The following WDR41 variants were observed in gnomAD, a reference collection of about 807,000 sequenced individuals.
WDR41 encodes WD repeat-containing protein 41.
WDR41 carries 63 observed loss-of-function variants against 69.3 expected under a neutral mutation model. That is an observed-to-expected ratio of 0.91 (90% CI 0.74 to 1.12). The LOEUF is 1.12. Among genes scored for constraint, WDR41 ranks in the 50% most tolerant of loss-of-function variants. The probability of loss-of-function intolerance (pLI) is 0.00; values close to 1 mark genes in which losing one functional copy is unlikely to be tolerated. For missense variants in WDR41, 543 were observed against 534.5 expected, an observed-to-expected ratio of 1.02 and a Z score of -0.16; for synonymous variants, 185 against 192.1, an observed-to-expected ratio of 0.96 and a Z score of 0.31.
intron 1 of WDR41, among the ~76,000 whole-genome samples, chr5:77,498,570 G>A (rs1801967559): frequency 6.6e-6 from 1 of 152,078 alleles, no homozygotes; most frequent in Non-Finnish European, 1.5e-5. Context: ...TATAATCCCA[G>A]CGCTTTGGGA....
intron 12 of WDR41, among the ~76,000 whole-genome samples, chr5:77,433,911 C>T (rs950149495): frequency 1.3e-5 from 2 of 152,152 alleles, no homozygotes; most frequent in African/African-American, 2.4e-5. Flanking sequence ...AAGGAATAGG[C>T]TGGAAGCTAA....
At chr5:77,541,313 C>G (rs1743083325) in intron 1 of WDR41, among the ~76,000 whole-genome samples, 1 of 151,858 alleles carries the variant, frequency 6.6e-6, no homozygotes, top group Admixed American at 6.6e-5. Context: ...AGACACTTCT[C>G]AAAAGAAGAC....
At chr5:77,584,713 A>T (rs774116174) in intron 1 of WDR41, among the ~76,000 whole-genome samples, 39 of 152,154 alleles carry the variant, frequency 2.6e-4, no homozygotes, top group Non-Finnish European at 5.0e-4. Flanking sequence ...ACAAAACCAT[A>T]AAATGGGGCA....
chr5:77,577,730 A>G (rs1743859505), intron 1 of WDR41, among the ~76,000 whole-genome samples: 3 of 152,326 alleles, frequency 2.0e-5, no homozygotes, highest in Admixed American at 2.0e-4. Context: ...GGAGAAGCTC[A>G]CCTGTGATCA....
intron 1 of WDR41, among the ~76,000 whole-genome samples, chr5:77,571,627 T>C (rs550011618): frequency 7.0e-4 from 106 of 152,318 alleles, no homozygotes; most frequent in African/African-American, 2.3e-3. Context: ...AGTGTTTTAA[T>C]GCCAAACTAG....
chr5:77,530,718 A>G (rs1802514932), intron 1 of WDR41, among the ~76,000 whole-genome samples: 1 of 151,738 alleles, frequency 6.6e-6, no homozygotes, highest in East Asian at 1.9e-4. Flanking sequence ...AACAATTAAG[A>G]TTTATGCATT....
chr5:77,594,786 G>A (rs1286428402), intron 1 of WDR41, among the ~76,000 whole-genome samples: 1 of 152,178 alleles, frequency 6.6e-6, no homozygotes, highest in Non-Finnish European at 1.5e-5. Flanking sequence ...TTTGAATGCA[G>A]CCTGCATTAT....
intron 8 of WDR41, among the ~76,000 whole-genome samples, chr5:77,448,869 A>AAACAAACC (rs754445799): frequency 3.9e-5 from 1 of 25,334 alleles, no homozygotes; most frequent in Non-Finnish European, 6.1e-5. Flanking sequence ...CTCCATCTCA[A>AAACAAACC]AACAAACAAA....
chr5:77,434,803 TTCAC>T (rs1458551157), intron 12 of WDR41, among the ~76,000 whole-genome samples: 16 of 152,138 alleles, frequency 1.1e-4, no homozygotes, highest in African/African-American at 3.6e-4. Context: ...TCTCAACACT[TTCAC>T]TCAGGAAAAT....
intron 1 of WDR41, among the ~76,000 whole-genome samples, chr5:77,523,142 C>T (rs1056148126): frequency 2.0e-5 from 3 of 151,746 alleles, no homozygotes; most frequent in Non-Finnish European, 4.4e-5. Flanking sequence ...AGTGAAACCC[C>T]ATCTCTACTA....
At chr5:77,457,527 TAA>T (rs1180856349) in intron 5 of WDR41, among the ~76,000 whole-genome samples, 2 of 152,108 alleles carry the variant, frequency 1.3e-5, no homozygotes, top group Non-Finnish European at 2.9e-5. Context: ...TCATTTCCTT[TAA>T]AGAGTTTTCT....
At chr5:77,475,650 C>T (rs1442102715) in intron 2 of WDR41, among the ~76,000 whole-genome samples, 1 of 152,118 alleles carries the variant, frequency 6.6e-6, no homozygotes, top group Admixed American at 6.5e-5. Context: ...CAAAGGACAT[C>T]CACACCAAAA....
intron 2 of WDR41, among the ~76,000 whole-genome samples, chr5:77,469,969 A>G (rs1291935193): frequency 1.3e-5 from 2 of 151,308 alleles, no homozygotes; most frequent in Non-Finnish European, 2.9e-5. Context: ...TCCAAGACAC[A>G]TAATTGTCAG....
At chr5:77,471,167 T>C (rs1317826122) in intron 2 of WDR41, among the ~76,000 whole-genome samples, 1 of 152,190 alleles carries the variant, frequency 6.6e-6, no homozygotes, top group Non-Finnish European at 1.5e-5. Context: ...AACCTGCTCC[T>C]GAATGACTAC....
At chr5:77,524,417 A>C (rs1269786408) in intron 1 of WDR41, among the ~76,000 whole-genome samples, 1 of 152,118 alleles carries the variant, frequency 6.6e-6, no homozygotes, top group African/African-American at 2.4e-5. Context: ...GTGAGACCCT[A>C]TCTTGGCAGA....
chr5:77,523,628 A>G (rs1802405312), intron 1 of WDR41, among the ~76,000 whole-genome samples: 1 of 151,918 alleles, frequency 6.6e-6, no homozygotes, highest in Non-Finnish European at 1.5e-5. Flanking sequence ...ATTTGGGTTT[A>G]GTAAGTGTCA....
Position 77,447,404 on chromosome 5 carries a change from C to A in WDR41, c.697+2356G>T, listed in dbSNP as rs564347104. ...CAGAAATACCATTTGACCCAGCAAT[C>A]CCATTACTTTGGGAATACACCCAAA... On this transcript the variant is annotated intron_variant, in intron 8 of 12. Coordinates refer to ENST00000296679, the MANE Select transcript of WDR41 (RefSeq NM_018268.4). Among the ~76,000 whole-genome samples, 8 of 152,284 alleles carry A rather than the reference C, an allele frequency of 5.3e-5. No individual in the cohort carries two copies. The South Asian group carries it at 1.7e-3, about 32-fold the overall frequency.
At chr5:77,539,017 T>C (rs1182526160) in intron 1 of WDR41, among the ~76,000 whole-genome samples, 2 of 152,180 alleles carry the variant, frequency 1.3e-5, no homozygotes, top group African/African-American at 4.8e-5. Context: ...ACCAGCCTGG[T>C]AGGGGCTCTC....
At position 77,453,929 on chromosome 5, in the gene WDR41, C is replaced by G; in HGVS notation, c.412-1G>C. 6.2e-6 allele frequency: 10 copies of G among 1,610,520 alleles called. No homozygotes were observed. Among genetic ancestry groups the G allele is most frequent in the African/African-American group, 1.3e-5 (1 of 74,938 alleles). ...CTAGTCTCTGAAGAACAGTTAAACA[C>G]TGCAAAATTTATTTGAAATGTATAT... On this transcript the variant is annotated splice_acceptor_variant, in intron 5 of 12. Coordinates refer to ENST00000296679, the MANE Select transcript of WDR41 (RefSeq NM_018268.4). LOFTEE classifies it high-confidence loss of function.
Sources: gnomAD v4.1 joint callset for allele counts (sites outside exome capture counted in the v4.1 genomes callset) on GRCh38, gnomAD v4.1.1 for gene constraint, MANE v1.5 for transcripts, NCBI Gene and HGNC (gene_info 2026-07-23, HGNC 2026-07-21) for gene names.